Variants in MACROD2 observed in about 807,000 individuals in gnomAD.
The protein encoded by MACROD2 is ADP-ribose glycohydrolase MACROD2.
A neutral mutation model predicts 70.4 loss-of-function variants in MACROD2; 36 were observed. That is an observed-to-expected ratio of 0.51 (90% CI 0.39 to 0.68). The LOEUF (loss-of-function observed/expected upper bound fraction) is 0.68, where lower values mean the gene tolerates loss of function less well. Ranked by LOEUF, MACROD2 falls within the 30% of genes least tolerant of loss-of-function variation. The pLI is 0.00. For synonymous variants in MACROD2, 172 were observed against 178.8 expected (o/e 0.96, Z 0.30); for missense variants, 496 against 538.4 (o/e 0.92, Z 0.78).
At chr20:14,275,649 A>G (rs2082245949) in intron 3 of MACROD2, among the ~76,000 whole-genome samples, 1 of 152,152 alleles carries the variant, frequency 6.6e-6, no homozygotes, top group African/African-American at 2.4e-5. Flanking sequence ...ATTAAACTAA[A>G]GAGCTTCTGC....
rs565409469 is a variant in MACROD2 at position 15,036,819 on chromosome 20, T to C, written c.419-193121T>C. On this transcript the variant is annotated intron_variant, in intron 5 of 17. Transcript: ENST00000684519. ...TCATTAGCACGAACTGTACAAAAGT[T>C]TGCACATCAAAAACCCAAAGCGTCT... Among the ~76,000 whole-genome samples, 161 of 152,126 alleles carry C rather than the reference T, an allele frequency of 1.1e-3. 3 individuals carry two copies. The South Asian group carries it at 0.032, about 31-fold the overall frequency.
intron 5 of MACROD2, among the ~76,000 whole-genome samples, chr20:15,189,817 A>G (rs569366011): frequency 6.6e-6 from 1 of 152,296 alleles, no homozygotes; most frequent in East Asian, 1.9e-4. Context: ...ACCTGAGATC[A>G]TTACAGTGTT....
chr20:14,378,884 C>T (rs1003002561), intron 3 of MACROD2, among the ~76,000 whole-genome samples: 1 of 152,174 alleles, frequency 6.6e-6, no homozygotes, highest in African/African-American at 2.4e-5. Context: ...TACACATTTG[C>T]TCCATTTCAT....
intron 5 of MACROD2, among the ~76,000 whole-genome samples, chr20:15,052,585 TTAATCAATGTGTGTG>T (rs2075451174): frequency 6.6e-6 from 1 of 152,106 alleles, no homozygotes; most frequent in Non-Finnish European, 1.5e-5. Flanking sequence ...ACAAACTTAA[TTAATCAATGTGTGTG>T]CTCCGACTGC....
chr20:15,369,498 T>G (rs2045460957), intron 6 of MACROD2, among the ~76,000 whole-genome samples: 2 of 152,198 alleles, frequency 1.3e-5, no homozygotes. Flanking sequence ...TTATGTTTTA[T>G]CTCAACAAAA....
At chr20:15,287,452 C>A (rs1034851550) in intron 6 of MACROD2, among the ~76,000 whole-genome samples, 3 of 152,182 alleles carry the variant, frequency 2.0e-5, no homozygotes, top group Admixed American at 1.3e-4. Flanking sequence ...TACCACTTTT[C>A]ATTTGGCATG....
chr20:15,622,177 A>G (rs566785361), intron 8 of MACROD2, among the ~76,000 whole-genome samples: 1 of 152,298 alleles, frequency 6.6e-6, no homozygotes, highest in South Asian at 2.1e-4. Context: ...GAGTTTGGCT[A>G]ATGGTTCATA....
chr20:15,280,355 G>T (rs556832071), intron 6 of MACROD2, among the ~76,000 whole-genome samples: 7 of 152,058 alleles, frequency 4.6e-5, no homozygotes, highest in Non-Finnish European at 1.0e-4. Flanking sequence ...AAATGTTGGG[G>T]TAATAGTCAC....
chr20:14,700,076 A>G lies in MACROD2; in HGVS notation c.418+15117A>G, dbSNP rs867738231. ...AGAAGTTTAAAGTTTAAATCTAGAA[A>G]TTTAAAGTTTAAATCTAGAAGTTTA... On this transcript the variant is annotated intron_variant, in intron 5 of 17. Transcript: ENST00000684519. Among the ~76,000 whole-genome samples, 96 of 151,240 alleles carry G rather than the reference A, an allele frequency of 6.3e-4. 2 individuals are homozygous for G. In the South Asian group the frequency reaches 0.017, roughly 26 times the overall value.
intron 9 of MACROD2, among the ~76,000 whole-genome samples, chr20:15,866,480 G>A (rs889793154): frequency 2.6e-5 from 4 of 151,992 alleles, no homozygotes; most frequent in Non-Finnish European, 5.9e-5. Flanking sequence ...GGATGCCAAG[G>A]CAGCAACTAT....
chr20:15,442,836 G>T (rs1438916992), intron 7 of MACROD2, among the ~76,000 whole-genome samples: 1 of 152,156 alleles, frequency 6.6e-6, no homozygotes, highest in African/African-American at 2.4e-5. Context: ...TGCTTTGCAA[G>T]AATATTTGGT....
chr20:15,640,530 G>A (rs963690196), intron 8 of MACROD2, among the ~76,000 whole-genome samples: 2 of 152,202 alleles, frequency 1.3e-5, no homozygotes, highest in African/African-American at 4.8e-5. Flanking sequence ...CTCTGCTGTG[G>A]TTCTATCTGC....
intron 8 of MACROD2, among the ~76,000 whole-genome samples, chr20:15,558,165 G>A (rs985828282): frequency 6.6e-6 from 1 of 152,176 alleles, no homozygotes; most frequent in Non-Finnish European, 1.5e-5. Flanking sequence ...AAGCAATCAA[G>A]CCCATCTTGG....
chr20:14,638,679 G>T (rs1984916835), intron 4 of MACROD2, among the ~76,000 whole-genome samples: 2 of 152,134 alleles, frequency 1.3e-5, no homozygotes, highest in Admixed American at 1.3e-4. Flanking sequence ...GGCTGGGTGT[G>T]GTGGCTCACA....
At chr20:14,833,872 G>T (rs2072999168) in intron 5 of MACROD2, among the ~76,000 whole-genome samples, 1 of 151,974 alleles carries the variant, frequency 6.6e-6, no homozygotes, top group Non-Finnish European at 1.5e-5. Context: ...TGCATAAGCT[G>T]AATAAAAATA....
At chr20:15,413,308 G>A (rs1487391572) in intron 6 of MACROD2, among the ~76,000 whole-genome samples, 2 of 152,116 alleles carry the variant, frequency 1.3e-5, no homozygotes, top group East Asian at 3.8e-4. Flanking sequence ...AATTCTGAAT[G>A]GAATACTGGA....
At chr20:15,140,747 T>C (rs901153391) in intron 5 of MACROD2, among the ~76,000 whole-genome samples, 1 of 152,168 alleles carries the variant, frequency 6.6e-6, no homozygotes, top group Non-Finnish European at 1.5e-5. Context: ...GAATCTGCTA[T>C]GCGAAAGAAT....
chr20:14,468,295 T>C (rs2084481526), intron 3 of MACROD2, among the ~76,000 whole-genome samples: 1 of 152,058 alleles, frequency 6.6e-6, no homozygotes, highest in Admixed American at 6.5e-5. Context: ...TGGGTGCTCC[T>C]ATATTGGGTG....
At chr20:14,603,361 A>G (rs576823226) in intron 4 of MACROD2, among the ~76,000 whole-genome samples, 23 of 152,320 alleles carry the variant, frequency 1.5e-4, no homozygotes, top group African/African-American at 5.1e-4. Flanking sequence ...GGTAGTGCAC[A>G]ATAGCCTGTA....
Sources: gnomAD v4.1 joint callset for allele counts (sites outside exome capture counted in the v4.1 genomes callset) on GRCh38, gnomAD v4.1.1 for gene constraint, MANE v1.5 for transcripts, NCBI Gene and HGNC (gene_info 2026-07-23, HGNC 2026-07-21) for gene names.